Variants in MCF2L2 observed in about 807,000 individuals in gnomAD.
MCF2L2 encodes MCF.2 cell line derived transforming sequence-like 2.
Under a neutral mutation model 150.2 loss-of-function variants are expected in MCF2L2, and 102 were observed. That is an observed-to-expected ratio of 0.68 (90% CI 0.58 to 0.80). The LOEUF is 0.80. Ranked by LOEUF, MCF2L2 falls within the 30% of genes least tolerant of loss-of-function variation. MCF2L2 has a pLI of 0.00. For synonymous variants in MCF2L2, 465 were observed against 491.3 expected (o/e 0.95, Z 0.71); for missense variants, 1,256 against 1,372.8 (o/e 0.91, Z 1.34).
At chr3:183,254,572 G>A (rs1246524384) in intron 15 of MCF2L2, 1 of 152,122 alleles carries the variant, frequency 6.6e-6, no homozygotes, top group Non-Finnish European at 1.5e-5. Context: ...CCGTCCCTGA[G>A]GAGCTCCGGC....
At position 183,291,611 on chromosome 3, in the gene MCF2L2, G is replaced by A. The variant is rs1454961583; in HGVS notation, c.1676-2391C>T. ...CCTCCACACATCTTCTTTATACTGT[G>A]AAATACAATTGCTTATCTTGGCACA... On this transcript the variant is annotated intron_variant, in intron 13 of 29. Coordinates refer to ENST00000328913, the MANE Select transcript of MCF2L2 (RefSeq NM_015078.4). Among the ~76,000 whole-genome samples the A allele has an allele frequency of 2.0e-5, 3 of 152,204 alleles. No individual in the cohort carries two copies. The East Asian group carries it at 5.8e-4, about 29-fold the overall frequency.
chr3:183,349,013 T>C (rs1731009558), intron 3 of MCF2L2, among the ~76,000 whole-genome samples: 1 of 152,178 alleles, frequency 6.6e-6, no homozygotes, highest in Non-Finnish European at 1.5e-5. Context: ...CATCTAGCAA[T>C]GCAGACGATA....
At chr3:183,382,215 C>A (rs754145873) in intron 2 of MCF2L2, among the ~76,000 whole-genome samples, 1 of 151,994 alleles carries the variant, frequency 6.6e-6, no homozygotes, top group Non-Finnish European at 1.5e-5. Flanking sequence ...CATGCCACCA[C>A]GCCCAGCTAA....
intron 3 of MCF2L2, among the ~76,000 whole-genome samples, chr3:183,349,725 A>C (rs1731038099): frequency 6.6e-6 from 1 of 152,250 alleles, no homozygotes; most frequent in South Asian, 2.1e-4. Flanking sequence ...CTTGCCTGAT[A>C]TCACACTAGC....
rs894030633 is a variant in MCF2L2 at position 183,201,901 on chromosome 3, G to A, written c.2884+3975C>T. Among the ~76,000 whole-genome samples, 8 of 152,238 alleles carry A rather than the reference G, an allele frequency of 5.3e-5. 1 individual carries two copies. The highest frequency in any genetic ancestry group is 4.2e-4 in the South Asian group (2 of 4,816). ...AGATAATCATGTGGTTTTTGTCTTCGGAGAACACTGGAAATTAAATGATGG... is the reference window on the plus strand; with the variant it reads ...AGATAATCATGTGGTTTTTGTCTTCAGAGAACACTGGAAATTAAATGATGG... On this transcript the variant is annotated intron_variant, in intron 25 of 29. Transcript: ENST00000328913.
At chr3:183,347,487 T>G (rs911046754) in intron 3 of MCF2L2, among the ~76,000 whole-genome samples, 12 of 152,170 alleles carry the variant, frequency 7.9e-5, no homozygotes, top group Admixed American at 1.3e-4. Context: ...ATTCAGGACA[T>G]AGGCGTGGCA....
intron 3 of MCF2L2, among the ~76,000 whole-genome samples, chr3:183,360,505 T>C (rs1286592152): frequency 1.3e-5 from 2 of 151,960 alleles, no homozygotes; most frequent in African/African-American, 4.8e-5. Context: ...AGTTCAAGGC[T>C]GCAGTTAGCT....
At chr3:183,223,123 G>A (rs1230785335) in intron 20 of MCF2L2, among the ~76,000 whole-genome samples, 1 of 152,180 alleles carries the variant, frequency 6.6e-6, no homozygotes, top group Non-Finnish European at 1.5e-5. Context: ...GCTAGACATT[G>A]GACTAGTGAG....
intron 15 of MCF2L2, among the ~76,000 whole-genome samples, chr3:183,251,255 T>C (rs1331081917): frequency 6.6e-6 from 1 of 152,218 alleles, no homozygotes; most frequent in East Asian, 1.9e-4. Flanking sequence ...AGCCTGATAC[T>C]GCTGCTACAC....
rs1714910316 is a variant in MCF2L2, at chr3:183,404,019, C to T, written c.77-14240G>A. The stretch of plus-strand genomic sequence containing the variant: ...CAAAATAAAAGATCTATAGATTTGA[C>T]TACATACAATTTTAAACCTTTTATG... On this transcript the variant is annotated intron_variant, in intron 1 of 29. Coordinates refer to ENST00000328913, the MANE Select transcript of MCF2L2 (RefSeq NM_015078.4). Among the ~76,000 whole-genome samples the T allele has an allele frequency of 1.3e-5, 2 of 152,152 alleles. 1 individual carries two copies. The highest frequency in any genetic ancestry group is 4.1e-4 in the South Asian group (2 of 4,832).
intron 1 of MCF2L2, among the ~76,000 whole-genome samples, chr3:183,409,498 TA>T (rs572735210): frequency 1.2e-3 from 178 of 151,048 alleles, no homozygotes; most frequent in African/African-American, 4.2e-3. Flanking sequence ...ATGTACATAA[TA>T]AAGCACAACT....
rs1560035043 is a variant in MCF2L2 at position 183,351,231 on chromosome 3, TA to T, written c.276-9602del. Among the ~76,000 whole-genome samples the T allele has an allele frequency of 5.3e-3, 487 of 91,372 alleles. 2 individuals carry two copies. Among genetic ancestry groups the T allele is most frequent in the South Asian group, 0.01 (27 of 2,700 alleles). 59.9% of individuals were successfully genotyped at this position (91,372 alleles called of 152,430 possible). A position where few individuals can be genotyped will look rare whatever the true frequency, so the allele number is the denominator to read the frequency against. ...ATATATATATATATATATATATATA[TA>T]TATATTTATTTATTTATTTATCAGA... On this transcript the variant is annotated intron_variant, in intron 3 of 29. Coordinates refer to ENST00000328913, the MANE Select transcript of MCF2L2 (RefSeq NM_015078.4).
intron 18 of MCF2L2, chr3:183,226,501 C>T (rs1346165098): frequency 6.6e-6 from 1 of 152,028 alleles, no homozygotes; most frequent in African/African-American, 2.4e-5. Flanking sequence ...TCACATAGGG[C>T]TAAGTCAGTG....
chr3:183,218,000 A>T (rs560710324), intron 21 of MCF2L2, among the ~76,000 whole-genome samples: 7 of 152,302 alleles, frequency 4.6e-5, no homozygotes, highest in African/African-American at 9.6e-5. Context: ...ACATAAAAAA[A>T]TTTTGGTTTA....
At chr3:183,329,329 A>C (rs1184480004) in intron 5 of MCF2L2, among the ~76,000 whole-genome samples, 1 of 152,106 alleles carries the variant, frequency 6.6e-6, no homozygotes, top group Non-Finnish European at 1.5e-5. Flanking sequence ...CTGGGACTAC[A>C]GGCACACCCA....
chr3:183,382,503 A>G (rs189297705), intron 2 of MCF2L2, among the ~76,000 whole-genome samples: 65 of 152,292 alleles, frequency 4.3e-4, no homozygotes, highest in Non-Finnish European at 8.1e-4. Flanking sequence ...CTACTGTTGA[A>G]TATTAGTCTT....
At chr3:183,380,500 C>G (rs1713458724) in intron 2 of MCF2L2, among the ~76,000 whole-genome samples, 1 of 152,168 alleles carries the variant, frequency 6.6e-6, no homozygotes, top group East Asian at 1.9e-4. Flanking sequence ...CTCACAGGTT[C>G]AAGCGATTCT....
intron 27 of MCF2L2, among the ~76,000 whole-genome samples, chr3:183,184,499 G>C (rs866414722): frequency 6.6e-6 from 1 of 152,200 alleles, no homozygotes; most frequent in Admixed American, 6.5e-5. Context: ...GGGAAAGGTG[G>C]GCGATGAGAA....
chr3:183,383,631 T>A (rs1713664258), intron 2 of MCF2L2, among the ~76,000 whole-genome samples: 1 of 152,120 alleles, frequency 6.6e-6, no homozygotes, highest in Admixed American at 6.5e-5. Context: ...TTTTGGTGAC[T>A]CCAAATTGAG....
Sources: allele counts gnomAD v4.1 joint callset (sites outside exome capture counted in the v4.1 genomes callset), GRCh38; gene constraint gnomAD v4.1.1; transcripts MANE v1.5; gene names NCBI Gene and HGNC (gene_info 2026-07-23, HGNC 2026-07-21).